The following PTGES2 variants were observed in gnomAD, a reference collection of about 807,000 sequenced individuals.
PTGES2 encodes GATE-binding factor 1.
In PTGES2, 35 loss-of-function variants were observed where a neutral mutation model predicts 44.5. That is an observed-to-expected ratio of 0.79 (90% CI 0.60 to 1.04). PTGES2 has a LOEUF of 1.04. PTGES2 is among the 50% of genes least tolerant of loss of function. The pLI is 0.00. For missense variants in PTGES2, 517 were observed against 521.4 expected, an observed-to-expected ratio of 0.99 and a Z score of 0.08; for synonymous variants, 221 against 227.5, an observed-to-expected ratio of 0.97 and a Z score of 0.26.
chr9:128,128,170 A>AGGTGCGCGGC (rs11283643), upstream of PTGES2: 348,007 of 362,978 alleles, frequency 0.96, 167,670 homozygotes, highest in Non-Finnish European at 0.99. Flanking sequence ...ACCCGGCACC[A>AGGTGCGCGGC]GGTGTTGCGG....
rs780466238 is a variant in PTGES2, at chr9:128,124,816, T to C, written c.478-266A>G. Reference sequence around the variant, plus strand: ...CCAGGTAGAGGGGCAGGGTGGGTTCTGGAAGCTACATACTAGACCCCAAGC... The same window carrying C: ...CCAGGTAGAGGGGCAGGGTGGGTTCCGGAAGCTACATACTAGACCCCAAGC... On this transcript the variant is annotated intron_variant, in intron 2 of 6. Transcript: ENST00000338961. 1,029 of 1,289,180 alleles carry C rather than the reference T, an allele frequency of 8.0e-4. 2 individuals are homozygous for C. Among genetic ancestry groups the C allele is most frequent in the Non-Finnish European group, 9.5e-4 (961 of 1,009,764 alleles). The allele number at this position is 1,289,180 out of a possible 1,614,324, so 79.9% of individuals were successfully genotyped here.
At position 128,126,363 on chromosome 9, in the gene PTGES2, T is replaced by A. The variant is rs995769190; in HGVS notation, c.280-922A>T. Reference sequence around the variant, plus strand: ...GGGCCACCACTTAGGGGGTCACCACTTGGGGGGGGCACCTTTCTACCTCTT... The same window carrying A: ...GGGCCACCACTTAGGGGGTCACCACATGGGGGGGGCACCTTTCTACCTCTT... On this transcript the variant is annotated intron_variant, in intron 1 of 6. Coordinates refer to ENST00000338961, the MANE Select transcript of PTGES2 (RefSeq NM_025072.7). 7.9e-5 allele frequency among the ~76,000 whole-genome samples: 12 copies of A among 152,240 alleles called. No individual in the cohort carries two copies. In the East Asian group the frequency reaches 2.3e-3, roughly 29 times the overall value.
chr9:128,124,042 A>G (rs3824578), intron 3 of PTGES2, among the ~76,000 whole-genome samples, 191 bp from the exon 4 acceptor site: 1,918 of 151,608 alleles, frequency 0.013, 33 homozygotes, highest in East Asian at 0.073. Context: ...AGGACAAAGT[A>G]GGGGGCTTGG....
chr9:128,127,935 G>C (rs369573042), upstream of PTGES2: 1 of 438,638 alleles, frequency 2.3e-6, no homozygotes, highest in South Asian at 5.6e-5. Context: ...TTTGCAGACC[G>C]TTCCATGCTT....
chr9:128,125,559 A>T (rs2130854991), intron 1 of PTGES2, 118 bp from the exon 2 acceptor site: 2 of 934,572 alleles, frequency 2.1e-6, no homozygotes, highest in Middle Eastern at 3.3e-4. Flanking sequence ...GGGAAGAGGA[A>T]CTAGAGATGG....
chr9:128,126,916 C>T (rs989287073), intron 1 of PTGES2, among the ~76,000 whole-genome samples: 2 of 150,198 alleles, frequency 1.3e-5, no homozygotes, highest in African/African-American at 4.9e-5. Flanking sequence ...CAGTGGCTCA[C>T]GCCTGTGATC....
upstream of PTGES2, chr9:128,127,904 G>A: frequency 6.2e-6 from 3 of 485,010 alleles, no homozygotes; most frequent in Non-Finnish European, 9.8e-6. Flanking sequence ...CGCCAGAGCC[G>A]CAGAGGCCCG....
Position 128,127,566 on chromosome 9 carries a change from G to C in PTGES2, c.152C>G (p.Ala51Gly). 7.8e-7 allele frequency: 1 copy of C among 1,282,906 alleles called. No homozygotes were observed. Among genetic ancestry groups the C allele is most frequent in the Non-Finnish European group, 9.8e-7 (1 of 1,015,338 alleles). 79.5% of individuals were successfully genotyped at this position (1,282,906 alleles called of 1,614,324 possible). Reference sequence around the variant, plus strand: ...CAGCAGCCGCGGGCTCCCCTTACGAGCTGCAGCCACGGGGCTCGGGCCGCC... The same window carrying C: ...CAGCAGCCGCGGGCTCCCCTTACGACCTGCAGCCACGGGGCTCGGGCCGCC... The part of the protein sequence containing the change: ...AAGGPSPVAA[A>G]RKGSPRLLGA... Residue 51 changes from alanine to glycine, a missense_variant, in exon 1 of 7, where the codon GCT becomes GGT. Ala to Gly is a moderately conservative substitution (Grantham distance 60, BLOSUM62 0). Transcript: ENST00000338961.
At chr9:128,122,234 C>T (rs569356436) in intron 6 of PTGES2, 128 bp downstream of exon 6, 10 of 742,780 alleles carry the variant, frequency 1.3e-5, no homozygotes, top group Admixed American at 4.6e-5. Context: ...AGTTTCTGTC[C>T]GTGATGGCAG....
chr9:128,125,452 CA>C lies in PTGES2; in HGVS notation c.280-12del. ...GCTGGACAGGGAGAGCTGCGGGCAG[CA>C]GACGGAAAAGGCTTCTAGACCTGGC... On this transcript the variant is annotated splice_polypyrimidine_tract_variant and intron_variant, in intron 1 of 6. Transcript: ENST00000338961. 6.2e-7 allele frequency: 1 copy of C among 1,613,516 alleles called. No individual in the cohort carries two copies. Among genetic ancestry groups the C allele is most frequent in the Non-Finnish European group, 8.5e-7 (1 of 1,179,840 alleles).
chr9:128,127,280 T>TA (rs1834661658), intron 1 of PTGES2, among the ~76,000 whole-genome samples, 159 bp downstream of exon 1: 1 of 145,172 alleles, frequency 6.9e-6, no homozygotes, highest in Admixed American at 6.9e-5. Context: ...GGAGTGCCCC[T>TA]ATTTTACACA....
rs1207824656 is a variant in PTGES2 at position 128,125,388 on chromosome 9, G to A, written c.333C>T (p.Pro111=). ...GGAAGGCTCGGACCTTGCTGCAGAA[G>A]GGACACGTCTTGTACTGGTACAGGG... ...QLTLYQYKTC[P]FCSKVRAFLD... The change falls in exon 2 of 7, where the codon CCC becomes CCT. Residue 111 remains proline, a synonymous_variant. Coordinates refer to ENST00000338961, the MANE Select transcript of PTGES2 (RefSeq NM_025072.7). 1.2e-6 allele frequency: 2 copies of A among 1,614,196 alleles called. No homozygotes were observed. The highest frequency in any genetic ancestry group is 1.7e-6 in the Non-Finnish European group (2 of 1,180,026).
At chr9:128,127,767 G>A (rs1463609759), upstream of PTGES2, 7 of 1,240,300 alleles carry the variant, frequency 5.6e-6, no homozygotes, top group Admixed American at 4.3e-5. Flanking sequence ...AGACGCCGAG[G>A]CACGCGCGGC....
In PTGES2 at chr9:128,121,266, T is replaced by C; in HGVS notation, c.1013A>G (p.Tyr338Cys). Residue 338 changes from tyrosine to cysteine, a missense_variant, in exon 7 of 7, where the codon TAT (tyrosine) becomes TGT (cysteine). By Grantham distance (194) the Tyr-to-Cys change is radical. Transcript: ENST00000338961. ...CCCCTCCATCACACGCAGCACGCCA[T>C]ACACCGCCTGGGGCACGAACAGAAA... ...QKPNLADLAVYGVLRVMEGLD... is the reference protein window; with the variant it reads ...QKPNLADLAVCGVLRVMEGLD... 1 of 1,607,850 alleles carries C rather than the reference T, an allele frequency of 6.2e-7. No individual in the cohort carries two copies. Among genetic ancestry groups the C allele is most frequent in the African/African-American group, 1.3e-5 (1 of 74,934 alleles).
intron 2 of PTGES2, chr9:128,125,009 G>A: frequency 1.3e-6 from 1 of 764,318 alleles, no homozygotes; most frequent in Non-Finnish European, 2.0e-6. Flanking sequence ...CAGAATCTAT[G>A]TTGTTAAGCT....
In PTGES2 at chr9:128,127,670, G is replaced by A; in HGVS notation, c.48C>T (p.Cys16=). The change falls in exon 1 of 7, where the codon TGC becomes TGT. Residue 16 remains cysteine, a synonymous_variant. Transcript: ENST00000338961. ...RVVRALWPGG[C]ALAWRLGGRP... ...GGCCTCCCAGCCTCCAGGCCAAGGC[G>A]CACCCACCAGGCCACAGCGCCCGCA... The A allele has an allele frequency of 2.3e-6, 3 of 1,300,142 alleles. No homozygotes were observed. The highest frequency in any genetic ancestry group is 2.0e-6 in the Non-Finnish European group (2 of 1,024,082). The allele number at this position is 1,300,142 out of a possible 1,614,324, so 80.5% of individuals were successfully genotyped here.
chr9:128,122,562 G>A, intron 5 of PTGES2, 83 bp from the exon 6 acceptor site: 1 of 1,231,420 alleles, frequency 8.1e-7, no homozygotes, highest in African/African-American at 1.5e-5. Flanking sequence ...GGGAGAGGGG[G>A]GAGGTGTGGA....
At chr9:128,122,221 G>T in intron 6 of PTGES2, 141 bp downstream of exon 6, 2 of 698,166 alleles carry the variant, frequency 2.9e-6, no homozygotes, top group Non-Finnish European at 2.5e-6. Context: ...CCACTTCGAG[G>T]CGAGTTTCTG....
intron 5 of PTGES2, 102 bp from the exon 6 acceptor site, chr9:128,122,581 C>G (rs537547205): frequency 3.1e-6 from 3 of 968,388 alleles, no homozygotes; most frequent in South Asian, 1.4e-5. Flanking sequence ...GAAGCCAGGA[C>G]GGCACCCCAG....
Sources: allele counts gnomAD v4.1 joint callset (sites outside exome capture counted in the v4.1 genomes callset), GRCh38; gene constraint gnomAD v4.1.1; transcripts MANE v1.5; gene names NCBI Gene and HGNC (gene_info 2026-07-23, HGNC 2026-07-21).